ZNF438: variants seen among roughly 807,000 people sequenced by gnomAD.
ZNF438 encodes the protein zinc finger protein 438.
A neutral mutation model predicts 38.0 loss-of-function variants in ZNF438; 25 were observed. The observed-to-expected ratio is 0.66, with a 90% confidence interval of 0.48 to 0.92. The LOEUF is 0.92. ZNF438 is among the 40% of genes least tolerant of loss of function. ZNF438 has a pLI of 0.00. For missense variants in ZNF438, 1,007 were observed against 999.6 expected (o/e 1.01, Z -0.10); for synonymous variants, 372 against 364.1 (o/e 1.02, Z -0.25).
At chr10:31,003,689 T>C (rs986607550) in intron 1 of ZNF438, among the ~76,000 whole-genome samples, 5 of 152,222 alleles carry the variant, frequency 3.3e-5, no homozygotes, top group Non-Finnish European at 7.3e-5. Flanking sequence ...ACTACCATTT[T>C]TCACTGTGAT....
chr10:30,905,854 G>A (rs371052746), intron 3 of ZNF438, among the ~76,000 whole-genome samples: 7 of 152,250 alleles, frequency 4.6e-5, no homozygotes, highest in African/African-American at 1.2e-4. Flanking sequence ...TGGTACCCTT[G>A]TTGATTATCA....
At position 30,909,073 on chromosome 10, in the gene ZNF438, T is replaced by G. The variant is rs368603605; in HGVS notation, c.-114-58A>C. On this transcript the variant is annotated intron_variant, in intron 2 of 5. Coordinates refer to ENST00000413025, the Ensembl canonical transcript of ZNF438. ...AAGAGAAAACTACAAAACAGTATTA[T>G]TAGCATATCATTAAGGCCACATCTA... 3.3e-5 allele frequency: 5 copies of G among 152,290 alleles called. No individual in the cohort carries two copies. The East Asian group carries it at 9.6e-4, about 29-fold the overall frequency. The allele number at this position is 152,290 out of a possible 1,614,324, so 9.4% of individuals were successfully genotyped here.
At position 31,011,222 on chromosome 10, in the gene ZNF438, C is replaced by T. The variant is rs530437506; in HGVS notation, c.-192+20611G>A. ...CTGCTGCAAAAGAGCAACAGTTCAA[C>T]GTGGGGCTTTTCCACACTGTGAGCT... On this transcript the variant is annotated intron_variant, in intron 1 of 5. Transcript: ENST00000413025. Among the ~76,000 whole-genome samples, 14 of 152,280 alleles carry T rather than the reference C, an allele frequency of 9.2e-5. No individual in the cohort carries two copies. In the South Asian group the frequency reaches 1.2e-3, roughly 14 times the overall value.
intron 1 of ZNF438, among the ~76,000 whole-genome samples, chr10:30,942,234 G>A (rs181409221): frequency 6.6e-6 from 1 of 152,272 alleles, no homozygotes; most frequent in African/African-American, 2.4e-5. Context: ...AGGATTTGGG[G>A]CTGAGATTAT....
intron 1 of ZNF438, among the ~76,000 whole-genome samples, chr10:31,013,702 A>G (rs568419723): frequency 1.3e-5 from 2 of 152,216 alleles, no homozygotes; most frequent in East Asian, 3.9e-4. Flanking sequence ...ATCTGATGCC[A>G]TCATTTATCC....
intron 4 of ZNF438, among the ~76,000 whole-genome samples, chr10:30,866,870 G>A (rs185065120): frequency 1.4e-4 from 21 of 151,814 alleles, no homozygotes; most frequent in Non-Finnish European, 2.6e-4. Context: ...TGGTGCTTAC[G>A]TTAATGAATG....
chr10:30,936,761 T>G (rs1249839437), intron 2 of ZNF438, among the ~76,000 whole-genome samples: 2 of 152,214 alleles, frequency 1.3e-5, no homozygotes, highest in Non-Finnish European at 2.9e-5. Flanking sequence ...TAGAAACTGT[T>G]GTCACATGTG....
intron 3 of ZNF438, among the ~76,000 whole-genome samples, chr10:30,885,705 T>TA (rs1554830826): frequency 2.6e-5 from 4 of 152,294 alleles, no homozygotes; most frequent in Non-Finnish European, 2.9e-5. Context: ...TTCCCATGCA[T>TA]ACATGTACCT....
At chr10:31,012,885 G>C (rs1014838162) in intron 1 of ZNF438, among the ~76,000 whole-genome samples, 2 of 152,146 alleles carry the variant, frequency 1.3e-5, no homozygotes, top group Non-Finnish European at 2.9e-5. Context: ...TAAACTGAGG[G>C]AATCTGACCT....
rs1378970912 is a variant in ZNF438, at chr10:30,960,647, C to T, written c.-191-18996G>A. Among the ~76,000 whole-genome samples the T allele has an allele frequency of 2.0e-5, 3 of 146,622 alleles. 1 individual carries two copies. The highest frequency in any genetic ancestry group is 4.6e-5 in the Non-Finnish European group (3 of 64,716). On this transcript the variant is annotated intron_variant, in intron 1 of 5. Coordinates refer to ENST00000413025, the Ensembl canonical transcript of ZNF438. ...TTATCCTATGCCACGGCCACGTTGT[C>T]CTGAATACTGTCACCTTAGATTGAG...
At position 30,866,335 on chromosome 10, in the gene ZNF438, T is replaced by G. The variant is rs566301772; in HGVS notation, c.37+10663A>C. On this transcript the variant is annotated intron_variant, in intron 4 of 5. Transcript: ENST00000413025. ...CTGACAGACATATGCTGAAATATGT[T>G]GAATGAACATATTAAGACTTGGGTA... 5.3e-5 allele frequency among the ~76,000 whole-genome samples: 8 copies of G among 152,316 alleles called. No homozygotes were observed. In the East Asian group the frequency reaches 1.5e-3, roughly 29 times the overall value.
chr10:30,861,888 T>C (rs76093477), intron 4 of ZNF438, among the ~76,000 whole-genome samples: 8,231 of 152,298 alleles, frequency 0.054, 710 homozygotes, highest in African/African-American at 0.19. Flanking sequence ...AATCTAAGAA[T>C]GACCGAGGAG....
At chr10:30,978,546 C>T (rs2051701098) in intron 1 of ZNF438, among the ~76,000 whole-genome samples, 1 of 152,036 alleles carries the variant, frequency 6.6e-6, no homozygotes, top group Non-Finnish European at 1.5e-5. Context: ...TCCATATAAT[C>T]ACCACCAGAA....
intron 2 of ZNF438, among the ~76,000 whole-genome samples, chr10:30,913,460 A>G (rs909566577): frequency 6.6e-6 from 1 of 151,896 alleles, no homozygotes; most frequent in Non-Finnish European, 1.5e-5. Flanking sequence ...GTTGACTCTT[A>G]TTCATCCATC....
At chr10:30,927,370 G>A (rs2045077639) in intron 2 of ZNF438, among the ~76,000 whole-genome samples, 1 of 152,214 alleles carries the variant, frequency 6.6e-6, no homozygotes, top group South Asian at 2.1e-4. Flanking sequence ...GTTCCCCAAT[G>A]TCCACATATA....
At chr10:30,950,672 C>T (rs1472932846) in intron 1 of ZNF438, among the ~76,000 whole-genome samples, 2 of 146,708 alleles carry the variant, frequency 1.4e-5, no homozygotes, top group Admixed American at 1.4e-4. Flanking sequence ...TTCCTTGACA[C>T]ATACACTCTC....
intron 1 of ZNF438, among the ~76,000 whole-genome samples, chr10:30,946,483 C>T (rs1308415981): frequency 1.3e-5 from 2 of 151,892 alleles, no homozygotes; most frequent in African/African-American, 2.4e-5. Context: ...ACAATGAACT[C>T]AAACAAATTT....
intron 4 of ZNF438, among the ~76,000 whole-genome samples, chr10:30,854,869 A>T (rs1237919193): frequency 6.6e-6 from 1 of 152,206 alleles, no homozygotes; most frequent in African/African-American, 2.4e-5. Context: ...CAACAAGAAG[A>T]AAGGCAGAAA....
intron 1 of ZNF438, among the ~76,000 whole-genome samples, chr10:30,998,368 G>A (rs959581144): frequency 6.7e-5 from 10 of 150,338 alleles, no homozygotes; most frequent in African/African-American, 2.2e-4. Flanking sequence ...GTGAAACCCC[G>A]TCTCTACTAA....
Sources: gnomAD v4.1 joint callset for allele counts (sites outside exome capture counted in the v4.1 genomes callset) on GRCh38, gnomAD v4.1.1 for gene constraint, MANE v1.5 for transcripts, NCBI Gene and HGNC (gene_info 2026-07-23, HGNC 2026-07-21) for gene names.